OR1I1: variants seen among roughly 807,000 people sequenced by gnomAD.
OR1I1 encodes the protein olfactory receptor 1I1.
For missense variants in OR1I1, 451 were observed against 443.6 expected (o/e 1.02, Z -0.15); for synonymous variants, 171 against 181.4 (o/e 0.94, Z 0.46).
rs150999381 is a variant in OR1I1, at chr19:15,088,907, CAGAT to C, written c.*779_*782del. ...ATCGATAGATCTATCTATTGACAGA[CAGAT>C]AGATGATTGATTGATAGATAGATCA... On this transcript the variant is annotated 3_prime_UTR_variant, in exon 2 of 2. Coordinates refer to ENST00000641398, the MANE Select transcript of OR1I1 (RefSeq NM_001004713.2). The C allele has an allele frequency of 0.15, 22,476 of 148,170 alleles. 1,980 individuals carry two copies. The highest frequency in any genetic ancestry group is 0.3 in the South Asian group (1,386 of 4,594). The allele number at this position is 148,170 out of a possible 1,614,324, so 9.2% of individuals were successfully genotyped here.
At position 15,088,659 on chromosome 19, in the gene OR1I1, C is replaced by T. The variant is rs140045823; in HGVS notation, c.*526C>T. ...GGGAAACTGAGCAAGATCTGTCACT[C>T]ATAGGTAGATAGATAGATAGATAGA... On this transcript the variant is annotated 3_prime_UTR_variant, in exon 2 of 2. Transcript: ENST00000641398. 4.9e-4 allele frequency: 75 copies of T among 152,274 alleles called. 1 individual carries two copies. Among genetic ancestry groups the T allele is most frequent in the Non-Finnish European group, 2.4e-4 (17 of 72,336 alleles). The allele number at this position is 152,274 out of a possible 1,614,324, so 9.4% of individuals were successfully genotyped here.
At chr19:15,082,571 C>T (rs144492964) in intron 1 of OR1I1, among the ~76,000 whole-genome samples, 12 of 152,218 alleles carry the variant, frequency 7.9e-5, no homozygotes, top group Non-Finnish European at 1.5e-4. Context: ...GGAGGAAAAG[C>T]ACTGAGGGTC....
At position 15,091,782 on chromosome 19, in the gene OR1I1, T is replaced by C. The variant is rs2046257343; in HGVS notation, c.*3649T>C. The C allele has an allele frequency of 7.9e-6, 1 of 126,762 alleles. No homozygotes were observed. The highest frequency in any genetic ancestry group is 2.4e-4 in the South Asian group (1 of 4,182). 7.9% of individuals were successfully genotyped at this position (126,762 alleles called of 1,614,324 possible). ...GAGGCGGAGTTTGCGTGAGCCGAGATCGCCCCACTGCACTCCAGCCTGGGT... is the reference window on the plus strand; with the variant it reads ...GAGGCGGAGTTTGCGTGAGCCGAGACCGCCCCACTGCACTCCAGCCTGGGT... On this transcript the variant is annotated 3_prime_UTR_variant, in exon 2 of 2. Transcript: ENST00000641398.
rs768663343 is a variant in OR1I1 at position 15,087,167 on chromosome 19, A to T, written c.102A>T (p.Thr34=). The change falls in exon 2 of 2, where the codon ACA becomes ACT. Residue 34 remains threonine (T), a synonymous_variant. Coordinates refer to ENST00000641398, the MANE Select transcript of OR1I1 (RefSeq NM_001004713.2). ...TCCTCTTCACAATGTTCCTCTCCACATACCTGGTCACCATCATTGGAAATG... is the reference window on the plus strand; with the variant it reads ...TCCTCTTCACAATGTTCCTCTCCACTTACCTGGTCACCATCATTGGAAATG... The part of the protein sequence containing the change: ...QTLLFTMFLS[T]YLVTIIGNAL... 2.3e-5 allele frequency: 37 copies of T among 1,614,074 alleles called. No individual in the cohort carries two copies. In the Middle Eastern group the frequency reaches 4.9e-4, roughly 22 times the overall value.
In OR1I1 at chr19:15,087,425, C is replaced by A. The variant is rs370613854; in HGVS notation, c.360C>A (p.Ile120=). The A allele has an allele frequency of 6.2e-7, 1 of 1,614,032 alleles. No homozygotes were observed. Among genetic ancestry groups the A allele is most frequent in the Admixed American group, 1.7e-5 (1 of 60,012 alleles). ...MDSFLLAVMA[I]DRFVAIVHPQ... ...GCTTTCTCCTGGCAGTAATGGCCAT[C>A]GACCGCTTCGTGGCCATTGTCCACC... The change falls in exon 2 of 2, where the codon ATC becomes ATA. Residue 120 remains isoleucine, a synonymous_variant. Transcript: ENST00000641398.
rs2046238743 is a variant in OR1I1, at chr19:15,087,989, G to A, written c.924G>A (p.Val308=). ...CCCTGGGGAAGCTCATCGGCAAAGT[G>A]GCCGTCCCCTGTCCTAGGCCAGAAC... ...KAALGKLIGK[V]AVPCPRPEQL... is the part of the protein sequence containing the mutation. Residue 308 remains valine, a synonymous_variant, in exon 2 of 2, where the codon GTG becomes GTA. Coordinates refer to ENST00000641398, the MANE Select transcript of OR1I1 (RefSeq NM_001004713.2). 2 of 1,614,140 alleles carry A rather than the reference G, an allele frequency of 1.2e-6. No individual in the cohort carries two copies.
At chr19:15,082,853 A>G (rs1280173517) in intron 1 of OR1I1, among the ~76,000 whole-genome samples, 3 of 152,022 alleles carry the variant, frequency 2.0e-5, no homozygotes, top group Non-Finnish European at 4.4e-5. Context: ...TCTGTTGCCC[A>G]GTCTGGAGTG....
rs1160538355 is a variant in OR1I1, at chr19:15,088,731, G to A, written c.*598G>A. ...AGATAGACAGACAGATAGATAGAGA[G>A]GATAAGATAAGATAGGTAGATAGGG... On this transcript the variant is annotated 3_prime_UTR_variant, in exon 2 of 2. Coordinates refer to ENST00000641398, the MANE Select transcript of OR1I1 (RefSeq NM_001004713.2). The A allele has an allele frequency of 6.8e-6, 1 of 146,770 alleles. No homozygotes were observed. The highest frequency in any genetic ancestry group is 2.2e-4 in the South Asian group (1 of 4,506). The allele number at this position is 146,770 out of a possible 1,614,324, so 9.1% of individuals were successfully genotyped here.
intron 1 of OR1I1, among the ~76,000 whole-genome samples, chr19:15,086,481 T>C (rs1345713868): frequency 6.6e-6 from 1 of 152,130 alleles, no homozygotes; most frequent in East Asian, 1.9e-4. Context: ...TGAGACAGAA[T>C]CTTGCTCTAT....
rs185070341 is a variant in OR1I1 at position 15,091,702 on chromosome 19, C to T, written c.*3569C>T. ...AAACTTAGCCAGGCGTGGTGGCCCACACCTGTAGTCCCAGCTACTTGGGAG... is the reference window on the plus strand; with the variant it reads ...AAACTTAGCCAGGCGTGGTGGCCCATACCTGTAGTCCCAGCTACTTGGGAG... On this transcript the variant is annotated 3_prime_UTR_variant, in exon 2 of 2. Coordinates refer to ENST00000641398, the MANE Select transcript of OR1I1 (RefSeq NM_001004713.2). 1 of 151,548 alleles carries T rather than the reference C, an allele frequency of 6.6e-6. No homozygotes were observed. Among genetic ancestry groups the T allele is most frequent in the Non-Finnish European group, 1.5e-5 (1 of 67,900 alleles). The allele number at this position is 151,548 out of a possible 1,614,324, so 9.4% of individuals were successfully genotyped here.
chr19:15,085,132 A>T (rs191545666), intron 1 of OR1I1, among the ~76,000 whole-genome samples: 4,585 of 13,004 alleles, frequency 0.35, 220 homozygotes, highest in South Asian at 0.46. Flanking sequence ...TTTTTGACTT[A>T]TATATATATA....
Position 15,089,220 on chromosome 19 carries a change from C to G in OR1I1, c.*1087C>G, listed in dbSNP as rs930067305. On this transcript the variant is annotated 3_prime_UTR_variant, in exon 2 of 2. Coordinates refer to ENST00000641398, the MANE Select transcript of OR1I1 (RefSeq NM_001004713.2). ...CGCTTAGTCAGCCAGCAAGCCTCAG[C>G]CTCCTGGGGGGTCTTGAGACCTCCA... 6.6e-6 allele frequency: 1 copy of G among 152,112 alleles called. No homozygotes were observed. The highest frequency in any genetic ancestry group is 1.5e-5 in the Non-Finnish European group (1 of 68,012). 9.4% of individuals were successfully genotyped at this position (152,112 alleles called of 1,614,324 possible).
chr19:15,088,180 A>C lies in OR1I1; in HGVS notation c.*47A>C. ...AAATGTGTCATAAAGAGATGAACAA[A>C]GTGTATGAGCACCCAAAGGAAAGGT... On this transcript the variant is annotated 3_prime_UTR_variant, in exon 2 of 2. Transcript: ENST00000641398. The C allele has an allele frequency of 6.7e-7, 1 of 1,495,702 alleles. No individual in the cohort carries two copies. 92.7% of individuals were successfully genotyped at this position (1,495,702 alleles called of 1,614,324 possible).
Position 15,088,629 on chromosome 19 carries a change from A to C in OR1I1, c.*496A>C, listed in dbSNP as rs1230922653. 1 of 163,658 alleles carries C rather than the reference A, an allele frequency of 6.1e-6. No individual in the cohort carries two copies. Among genetic ancestry groups the C allele is most frequent in the Non-Finnish European group, 1.3e-5 (1 of 75,876 alleles). 10.1% of individuals were successfully genotyped at this position (163,658 alleles called of 1,614,324 possible). A position where few individuals can be genotyped will look rare whatever the true frequency, so the allele number is the denominator to read the frequency against. Reference sequence around the variant, plus strand: ...TATGACTGCACCACTGCACTTCAGCAGTTTGGGAAACTGAGCAAGATCTGT... The same window carrying C: ...TATGACTGCACCACTGCACTTCAGCCGTTTGGGAAACTGAGCAAGATCTGT... On this transcript the variant is annotated 3_prime_UTR_variant, in exon 2 of 2. Coordinates refer to ENST00000641398, the MANE Select transcript of OR1I1 (RefSeq NM_001004713.2).
intron 1 of OR1I1, among the ~76,000 whole-genome samples, chr19:15,085,130 T>TATA (rs2046223114): frequency 7.0e-5 from 2 of 28,520 alleles, no homozygotes; most frequent in East Asian, 1.5e-3. Context: ...CATTTTTGAC[T>TATA]TATATATATA....
In OR1I1 at chr19:15,089,076, G is replaced by GATAGATAGACAGA. The variant is rs368844352; in HGVS notation, c.*943_*944insATAGATAGACAGA. On this transcript the variant is annotated 3_prime_UTR_variant, in exon 2 of 2. Transcript: ENST00000641398. Reference sequence around the variant, plus strand: ...GGATAGATAGAGATAGAGGAGGTAGGTAGATAGATAGATAGATAGATAGGT... The same window carrying GATAGATAGACAGA: ...GGATAGATAGAGATAGAGGAGGTAGGATAGATAGACAGATAGATAGATAGATAGATAGATAGGT... The GATAGATAGACAGA allele has an allele frequency of 6.6e-6, 1 of 151,244 alleles. No individual in the cohort carries two copies. Among genetic ancestry groups the GATAGATAGACAGA allele is most frequent in the Non-Finnish European group, 1.5e-5 (1 of 67,798 alleles). The allele number at this position is 151,244 out of a possible 1,614,324, so 9.4% of individuals were successfully genotyped here.
Position 15,088,210 on chromosome 19 carries a change from A to AT in OR1I1, c.*81dup, listed in dbSNP as rs1568322836. ...ATGAGCACCCAAAGGAAAGGTGTGC[A>AT]TTTTCCCCAGGATTTATCTTCCCCA... On this transcript the variant is annotated 3_prime_UTR_variant, in exon 2 of 2. Transcript: ENST00000641398. 2.7e-6 allele frequency: 4 copies of AT among 1,458,384 alleles called. No individual in the cohort carries two copies. The East Asian group carries it at 9.9e-5, about 36-fold the overall frequency. The allele number at this position is 1,458,384 out of a possible 1,614,324, so 90.3% of individuals were successfully genotyped here.
chr19:15,084,812 G>A (rs948907635), intron 1 of OR1I1, among the ~76,000 whole-genome samples: 1 of 151,748 alleles, frequency 6.6e-6, no homozygotes, highest in Non-Finnish European at 1.5e-5. Context: ...CTCCTAAGAA[G>A]GTTTAACCCA....
chr19:15,088,228 C>A lies in OR1I1; in HGVS notation c.*95C>A. ...GGTGTGCATTTTCCCCAGGATTTAT[C>A]TTCCCCAAAAAGATCAGAATAGCAA... On this transcript the variant is annotated 3_prime_UTR_variant, in exon 2 of 2. Coordinates refer to ENST00000641398, the MANE Select transcript of OR1I1 (RefSeq NM_001004713.2). The A allele has an allele frequency of 7.0e-7, 1 of 1,426,644 alleles. No individual in the cohort carries two copies. The highest frequency in any genetic ancestry group is 1.5e-5 in the South Asian group (1 of 67,820). 88.4% of individuals were successfully genotyped at this position (1,426,644 alleles called of 1,614,324 possible). A position where few individuals can be genotyped will look rare whatever the true frequency, so the allele number is the denominator to read the frequency against.
Sources: gnomAD v4.1 joint callset for allele counts (sites outside exome capture counted in the v4.1 genomes callset) on GRCh38, gnomAD v4.1.1 for gene constraint, MANE v1.5 for transcripts, NCBI Gene and HGNC (gene_info 2026-07-23, HGNC 2026-07-21) for gene names.